HEPACAM2: variants seen among roughly 807,000 people sequenced by gnomAD.
The protein encoded by HEPACAM2 is mitotic kinetics regulator.
A neutral mutation model predicts 49.6 loss-of-function variants in HEPACAM2; 49 were observed. The ratio of observed to expected loss-of-function variants is 0.99; its 90% CI spans 0.78 to 1.25. The LOEUF (loss-of-function observed/expected upper bound fraction) is 1.25, where lower values mean the gene tolerates loss of function less well. Among genes scored for constraint, HEPACAM2 ranks in the 50% most tolerant of loss-of-function variants. The pLI, the probability that HEPACAM2 is intolerant of heterozygous loss-of-function variation, is 0.00. For synonymous variants in HEPACAM2, 197 were observed against 202.9 expected, an observed-to-expected ratio of 0.97 and a Z score of 0.25; for missense variants, 525 against 557.2, an observed-to-expected ratio of 0.94 and a Z score of 0.58.
At chr7:93,206,612 CAAATTA>C (rs562900151) in intron 4 of HEPACAM2, among the ~76,000 whole-genome samples, 29 of 152,050 alleles carry the variant, frequency 1.9e-4, no homozygotes, top group Non-Finnish European at 4.0e-4. Context: ...TATTTACATT[CAAATTA>C]AAATTAATAA....
chr7:93,196,284 A>G (rs1016517897), intron 7 of HEPACAM2, among the ~76,000 whole-genome samples: 5 of 152,126 alleles, frequency 3.3e-5, no homozygotes, highest in Non-Finnish European at 5.9e-5. Context: ...ACCCTGTTAG[A>G]TCTAACAGAT....
At chr7:93,221,229 A>G (rs1794442878) in intron 1 of HEPACAM2, among the ~76,000 whole-genome samples, 1 of 152,178 alleles carries the variant, frequency 6.6e-6, no homozygotes, top group African/African-American at 2.4e-5. Flanking sequence ...AGGTGAGAAG[A>G]GATGGAAATT....
chr7:93,195,978 A>G, intron 7 of HEPACAM2, 77 bp from the exon 8 acceptor site: 1 of 999,044 alleles, frequency 1.0e-6, no homozygotes, highest in Non-Finnish European at 1.6e-6. Flanking sequence ...TGTAAAACTT[A>G]TCTTTATTGT....
intron 7 of HEPACAM2, 67 bp from the exon 8 acceptor site, chr7:93,195,968 T>C: frequency 2.7e-6 from 3 of 1,102,536 alleles, no homozygotes; most frequent in Non-Finnish European, 1.4e-6. Flanking sequence ...TTTAAACCTT[T>C]GTAAAACTTA....
chr7:93,201,058 G>A (rs756257099), intron 4 of HEPACAM2, among the ~76,000 whole-genome samples: 14 of 152,094 alleles, frequency 9.2e-5, no homozygotes, highest in Non-Finnish European at 1.8e-4. Flanking sequence ...TGTAGGTAGG[G>A]GGAGAAAGTG....
Position 93,189,227 on chromosome 7 carries a change from T to C in HEPACAM2, c.*40A>G. 6.4e-7 allele frequency: 1 copy of C among 1,565,148 alleles called. No homozygotes were observed. The highest frequency in any genetic ancestry group is 8.8e-7 in the Non-Finnish European group (1 of 1,140,930). On this transcript the variant is annotated 3_prime_UTR_variant, in exon 10 of 10. Transcript: ENST00000394468. ...CACTGTTTTTCCTTAAAATGTTTCT[T>C]CAGAATTTCACTCGAATGTACTGTT...
chr7:93,210,366 A>G (rs1794148330), intron 3 of HEPACAM2, among the ~76,000 whole-genome samples: 1 of 151,932 alleles, frequency 6.6e-6, no homozygotes, highest in African/African-American at 2.4e-5. Context: ...TTATTTGCCC[A>G]TGGTCATATA....
upstream of HEPACAM2, among the ~76,000 whole-genome samples, chr7:93,228,058 A>G (rs1041342774): frequency 2.0e-5 from 3 of 152,202 alleles, no homozygotes; most frequent in Admixed American, 6.5e-5. Context: ...GGTTCCCCCA[A>G]CATCTTTTAG....
At chr7:93,222,802 AG>A (rs1794475170) in intron 1 of HEPACAM2, among the ~76,000 whole-genome samples, 1 of 152,188 alleles carries the variant, frequency 6.6e-6, no homozygotes, top group Non-Finnish European at 1.5e-5. Context: ...TAAGGGTAGC[AG>A]CTACCTATAT....
intron 1 of HEPACAM2, among the ~76,000 whole-genome samples, chr7:93,223,961 G>A (rs1437761041): frequency 6.6e-6 from 1 of 152,140 alleles, no homozygotes; most frequent in South Asian, 2.1e-4. Context: ...CACTACAGAT[G>A]TGATGAATTC....
chr7:93,227,125 T>C (rs1199322535), upstream of HEPACAM2, among the ~76,000 whole-genome samples: 1 of 152,200 alleles, frequency 6.6e-6, no homozygotes, highest in Non-Finnish European at 1.5e-5. Context: ...GAAAAGTGCA[T>C]GCCAGGAGAT....
intron 3 of HEPACAM2, among the ~76,000 whole-genome samples, chr7:93,213,435 C>T (rs1794226786): frequency 6.6e-6 from 1 of 151,888 alleles, no homozygotes; most frequent in Admixed American, 6.6e-5. Context: ...GAAACAGTGC[C>T]TTTAGAAAAC....
rs1173975085 is a variant in HEPACAM2 at position 93,212,655 on chromosome 7, CTCTT to C, written c.715+2742_715+2745del. Among the ~76,000 whole-genome samples, 11 of 151,994 alleles carry C rather than the reference CTCTT, an allele frequency of 7.2e-5. No homozygotes were observed. The East Asian group carries it at 7.7e-4, about 11-fold the overall frequency. The stretch of plus-strand genomic sequence containing the variant: ...TACTTTAATGCATCTTTTTCTCTCT[CTCTT>C]TATCACACATGCACACAAATTTAAC... On this transcript the variant is annotated intron_variant, in intron 3 of 9. Coordinates refer to ENST00000394468, the MANE Select transcript of HEPACAM2 (RefSeq NM_001039372.4).
chr7:93,216,392 C>T (rs539468419), intron 2 of HEPACAM2, among the ~76,000 whole-genome samples: 7 of 151,930 alleles, frequency 4.6e-5, no homozygotes, highest in African/African-American at 9.7e-5. Context: ...AATACAAATC[C>T]GATAGAAATT....
intron 4 of HEPACAM2, among the ~76,000 whole-genome samples, chr7:93,199,782 A>AT (rs1402725367): frequency 6.6e-6 from 1 of 151,852 alleles, no homozygotes; most frequent in African/African-American, 2.4e-5. Flanking sequence ...AATTTCCACT[A>AT]TTTTTTTCCC....
At chr7:93,196,003 A>G (rs1187915068) in intron 7 of HEPACAM2, 102 bp from the exon 8 acceptor site, 3 of 780,258 alleles carry the variant, frequency 3.8e-6, no homozygotes, top group Non-Finnish European at 6.5e-6. Flanking sequence ...TTTAAATGGT[A>G]TAGGTACAAA....
chr7:93,196,131 G>A (rs989321212), intron 7 of HEPACAM2, among the ~76,000 whole-genome samples: 2 of 152,122 alleles, frequency 1.3e-5, no homozygotes, highest in African/African-American at 2.4e-5. Flanking sequence ...AAAGCCAGAC[G>A]TGAGAATAGC....
chr7:93,192,438 A>C (rs1793578464), intron 8 of HEPACAM2, 75 bp from the exon 9 acceptor site: 1 of 1,055,614 alleles, frequency 9.5e-7, no homozygotes, highest in African/African-American at 1.6e-5. Flanking sequence ...TGCATAGTTG[A>C]AAACAACTGG....
intron 1 of HEPACAM2, among the ~76,000 whole-genome samples, chr7:93,221,637 C>T (rs896067216): frequency 2.6e-5 from 4 of 151,986 alleles, no homozygotes; most frequent in African/African-American, 9.7e-5. Flanking sequence ...GGAAAGAATC[C>T]AAGAGGAGAA....
Sources: gnomAD v4.1 joint callset for allele counts (sites outside exome capture counted in the v4.1 genomes callset) on GRCh38, gnomAD v4.1.1 for gene constraint, MANE v1.5 for transcripts, NCBI Gene and HGNC (gene_info 2026-07-23, HGNC 2026-07-21) for gene names.